GNG7: variants seen among roughly 807,000 people sequenced by gnomAD.
GNG7 encodes G protein subunit gamma 7, also known as guanine nucleotide-binding protein G(I)/G(S)/G(O) subunit gamma-7.
Under a neutral mutation model 4.0 loss-of-function variants are expected in GNG7, and 1 was observed. The ratio of observed to expected loss-of-function variants is 0.25; its 90% CI spans 0.09 to 1.18. The LOEUF is 1.18. GNG7 is among the 50% of genes most tolerant of loss of function. The pLI, the probability that GNG7 is intolerant of heterozygous loss-of-function variation, is 0.50. For synonymous variants in GNG7, 34 were observed against 36.9 expected (o/e 0.92, Z 0.29); for missense variants, 86 against 91.9 (o/e 0.94, Z 0.26).
Position 2,576,382 on chromosome 19 carries a change from A to T in GNG7, c.-77-21194T>A, listed in dbSNP as rs575599374. Among the ~76,000 whole-genome samples the T allele has an allele frequency of 3.3e-5, 5 of 152,236 alleles. No individual in the cohort carries two copies. In the East Asian group the frequency reaches 7.7e-4, roughly 24 times the overall value. On this transcript the variant is annotated intron_variant, in intron 2 of 4. Transcript: ENST00000382159. ...GGGTGGGGCTGACCCACTCCCTCCT[A>T]GAGTTCACCGTGGTCCCTGGATGCT...
Position 2,512,454 on chromosome 19 carries a change from G to T in GNG7, c.*2568C>A. 1.3e-6 allele frequency: 1 copy of T among 782,008 alleles called. No homozygotes were observed. The highest frequency in any genetic ancestry group is 1.6e-6 in the Non-Finnish European group (1 of 644,440). 48.4% of individuals were successfully genotyped at this position (782,008 alleles called of 1,614,324 possible). ...CTCCCTGGGGTCCGGGAGATGGTGG[G>T]GTCTGGACAGCTCAGGGAACCCAAG... On this transcript the variant is annotated 3_prime_UTR_variant, in exon 5 of 5. Transcript: ENST00000382159. This position sits in a 1 kb window ranked among gnomAD's most constrained non-coding sequence, Gnocchi z 4.7.
chr19:2,564,075 G>C (rs964473972), intron 2 of GNG7, among the ~76,000 whole-genome samples: 1 of 152,254 alleles, frequency 6.6e-6, no homozygotes, highest in South Asian at 2.1e-4. Context: ...AAACAGGAGT[G>C]TAGCTAATTT....
intron 2 of GNG7, chr19:2,642,923 A>AAAGTCC (rs1296026086): frequency 1.3e-5 from 6 of 448,322 alleles, no homozygotes; most frequent in East Asian, 7.3e-5. Context: ...CCGGAAATGC[A>AAAGTCC]GGAGACCTCT....
chr19:2,687,990 C>T (rs1284193433), intron 1 of GNG7, among the ~76,000 whole-genome samples: 3 of 151,790 alleles, frequency 2.0e-5, no homozygotes, highest in South Asian at 2.1e-4. Flanking sequence ...CGGTGGCTCA[C>T]GCCTGTAATC....
At chr19:2,668,146 A>G (rs930398899) in intron 1 of GNG7, among the ~76,000 whole-genome samples, 4 of 151,822 alleles carry the variant, frequency 2.6e-5, no homozygotes, top group African/African-American at 4.8e-5. Flanking sequence ...TTGGGTGGTG[A>G]GGAGATGAAA....
Position 2,526,023 on chromosome 19 carries a change from T to G in GNG7, c.-37-5298A>C, listed in dbSNP as rs10153503. 1.7e-3 allele frequency among the ~76,000 whole-genome samples: 233 copies of G among 135,464 alleles called. 1 individual carries two copies. The highest frequency in any genetic ancestry group is 6.3e-3 in the African/African-American group (224 of 35,426). 88.9% of individuals were successfully genotyped at this position (135,464 alleles called of 152,430 possible). A position where few individuals can be genotyped will look rare whatever the true frequency, so the allele number is the denominator to read the frequency against. ...TCTGGCTCTGTCTCCGAGGCTGGAG[T>G]GCAGTGGCGCGATCTTGGCTCACTG... is the stretch of plus-strand genomic sequence containing the variant. On this transcript the variant is annotated intron_variant, in intron 3 of 4. Coordinates refer to ENST00000382159, the MANE Select transcript of GNG7 (RefSeq NM_052847.3).
intron 4 of GNG7, chr19:2,516,892 C>T (rs1972744271): frequency 6.6e-6 from 1 of 152,480 alleles, no homozygotes; most frequent in African/African-American, 2.4e-5. Context: ...ACGCCCGTCT[C>T]TCCTGGCCAT....
intron 2 of GNG7, among the ~76,000 whole-genome samples, chr19:2,571,527 G>A (rs1980145586): frequency 6.6e-6 from 1 of 151,176 alleles, no homozygotes; most frequent in African/African-American, 2.4e-5. Context: ...GAGGGTGCCT[G>A]CAGGCTACGT....
At chr19:2,673,281 AAC>A (rs1983510686) in intron 1 of GNG7, among the ~76,000 whole-genome samples, 6 of 150,156 alleles carry the variant, frequency 4.0e-5, no homozygotes, top group African/African-American at 1.2e-4. Flanking sequence ...AACAAAACAA[AAC>A]AAAACAAAAA....
intron 3 of GNG7, among the ~76,000 whole-genome samples, chr19:2,536,183 C>G (rs528445120): frequency 6.6e-6 from 1 of 151,708 alleles, no homozygotes; most frequent in South Asian, 2.1e-4. Context: ...TTTGGGAGGC[C>G]GAGGTGGGCG....
At chr19:2,664,413 G>A (rs1006992825) in intron 1 of GNG7, among the ~76,000 whole-genome samples, 1 of 152,188 alleles carries the variant, frequency 6.6e-6, no homozygotes, top group Non-Finnish European at 1.5e-5. Flanking sequence ...CCGGGACTGG[G>A]GGAGTGACGT....
intron 1 of GNG7, among the ~76,000 whole-genome samples, chr19:2,694,573 C>G (rs1335359069): frequency 6.6e-6 from 1 of 152,010 alleles, no homozygotes; most frequent in Non-Finnish European, 1.5e-5. Flanking sequence ...CCTGATCACA[C>G]TAGACACCAG....
At position 2,559,383 on chromosome 19, in the gene GNG7, G is replaced by A. The variant is rs187308595; in HGVS notation, c.-77-4195C>T. On this transcript the variant is annotated intron_variant, in intron 2 of 4. Coordinates refer to ENST00000382159, the MANE Select transcript of GNG7 (RefSeq NM_052847.3). ...TTTTTTTTTTTGGAGACAGGGTCTC[G>A]CTCTGTTGCCCAGGCTGGAGTGCAA... Among the ~76,000 whole-genome samples, 362 of 140,940 alleles carry A rather than the reference G, an allele frequency of 2.6e-3. 4 individuals carry two copies. Among genetic ancestry groups the A allele is most frequent in the African/African-American group, 8.6e-3 (324 of 37,568 alleles). The allele number at this position is 140,940 out of a possible 152,430, so 92.5% of individuals were successfully genotyped here. A position where few individuals can be genotyped will look rare whatever the true frequency, so the allele number is the denominator to read the frequency against.
intron 1 of GNG7, among the ~76,000 whole-genome samples, chr19:2,678,681 C>T (rs1298766954): frequency 4.6e-5 from 7 of 152,016 alleles, no homozygotes; most frequent in African/African-American, 9.7e-5. Flanking sequence ...CAGCAGGCAG[C>T]GCCTCCAAGA....
intron 2 of GNG7, among the ~76,000 whole-genome samples, chr19:2,577,957 C>A (rs1207707555): frequency 1.3e-5 from 2 of 151,764 alleles, no homozygotes; most frequent in African/African-American, 4.8e-5. Flanking sequence ...CCCACCTCAG[C>A]CCCTCGAGTA....
At chr19:2,656,598 A>G (rs78849973) in intron 1 of GNG7, among the ~76,000 whole-genome samples, 1 of 152,096 alleles carries the variant, frequency 6.6e-6, no homozygotes, top group Non-Finnish European at 1.5e-5. Context: ...AGGCTCCATC[A>G]AAAAAAGAGA....
chr19:2,680,164 T>TC (rs1440972342), intron 1 of GNG7, among the ~76,000 whole-genome samples: 1 of 149,980 alleles, frequency 6.7e-6, no homozygotes, highest in Non-Finnish European at 1.5e-5. Flanking sequence ...TTTTTTTTTT[T>TC]TGAGACAGAG....
rs1037681718 is a variant in GNG7 at position 2,605,754 on chromosome 19, T to C, written c.-78+40470A>G. On this transcript the variant is annotated intron_variant, in intron 2 of 4. Coordinates refer to ENST00000382159, the MANE Select transcript of GNG7 (RefSeq NM_052847.3). ...GTCTCGATCTCCTGACCTCGTGATCTGCCCGCCTTGGCCTCCCAAAGTGCT... is the reference window on the plus strand; with the variant it reads ...GTCTCGATCTCCTGACCTCGTGATCCGCCCGCCTTGGCCTCCCAAAGTGCT... 1.1e-3 allele frequency among the ~76,000 whole-genome samples: 159 copies of C among 148,728 alleles called. 1 individual carries two copies. The South Asian group carries it at 0.014, about 14-fold the overall frequency.
chr19:2,597,021 G>A (rs1172346413), intron 2 of GNG7, among the ~76,000 whole-genome samples: 1 of 152,040 alleles, frequency 6.6e-6, no homozygotes, highest in East Asian at 1.9e-4. Flanking sequence ...CACTTTTGGA[G>A]GCTGAGGTGG....
Sources: allele counts gnomAD v4.1 joint callset (sites outside exome capture counted in the v4.1 genomes callset), GRCh38; gene constraint gnomAD v4.1.1; non-coding constraint Gnocchi (gnomAD v3.1); transcripts MANE v1.5; gene names NCBI Gene and HGNC (gene_info 2026-07-23, HGNC 2026-07-21).